The following NT5DC1 variants were observed in gnomAD, a reference collection of about 807,000 sequenced individuals.
NT5DC1 encodes the protein 5'-nucleotidase domain containing 1.
A neutral mutation model predicts 59.4 loss-of-function variants in NT5DC1; 42 were observed. The ratio of observed to expected loss-of-function variants is 0.71; its 90% CI spans 0.55 to 0.92. The LOEUF (loss-of-function observed/expected upper bound fraction) is 0.92, where lower values mean the gene tolerates loss of function less well. Ranked by LOEUF, NT5DC1 falls within the 40% of genes least tolerant of loss-of-function variation. NT5DC1 has a pLI of 0.00. For missense variants in NT5DC1, 501 were observed against 537.1 expected (o/e 0.93, Z 0.66); for synonymous variants, 172 against 188.1 (o/e 0.91, Z 0.70).
chr6:116,167,853 G>C (rs983787218), intron 6 of NT5DC1, among the ~76,000 whole-genome samples: 1 of 151,964 alleles, frequency 6.6e-6, no homozygotes, highest in Non-Finnish European at 1.5e-5. Flanking sequence ...TCTGTGTATT[G>C]GATGTTGATT....
rs756839641 is a variant in NT5DC1 at position 116,237,021 on chromosome 6, C to T, written c.858C>T (p.Ser286=). 5.0e-6 allele frequency: 8 copies of T among 1,613,322 alleles called. No individual in the cohort carries two copies. In the South Asian group the frequency reaches 8.8e-5, roughly 18 times the overall value. The change falls in exon 9 of 12, where the codon TCC becomes TCT. Residue 286 remains serine (S), a synonymous_variant. Coordinates refer to ENST00000319550, the MANE Select transcript of NT5DC1 (RefSeq NM_152729.3). ...LPSLDKPGWY[S]QGNAVHLYEL... ...CTCTGGATAAACCTGGCTGGTACTCCCAAGGGAACGCTGTCCACCTCTATG... is the reference window on the plus strand; with the variant it reads ...CTCTGGATAAACCTGGCTGGTACTCTCAAGGGAACGCTGTCCACCTCTATG...
intron 6 of NT5DC1, among the ~76,000 whole-genome samples, chr6:116,215,957 C>A (rs1348561349): frequency 1.3e-5 from 2 of 152,102 alleles, no homozygotes; most frequent in African/African-American, 4.8e-5. Flanking sequence ...CTTGTCTATA[C>A]TCATTTAAAC....
chr6:116,121,564 C>T, intron 6 of NT5DC1: 1 of 1,614,114 alleles, frequency 6.2e-7, no homozygotes, highest in South Asian at 1.1e-5. Context: ...TCTGTCCATT[C>T]ATACCAGGGA....
At chr6:116,236,912 A>G in intron 8 of NT5DC1, 54 bp from the exon 9 acceptor site, 2 of 1,129,086 alleles carry the variant, frequency 1.8e-6, no homozygotes, top group East Asian at 4.7e-5. Flanking sequence ...GGTCTGCCCA[A>G]CTGGCTACTC....
intron 10 of NT5DC1, among the ~76,000 whole-genome samples, chr6:116,238,692 T>A (rs1381082445): frequency 1.3e-5 from 2 of 152,188 alleles, no homozygotes; most frequent in East Asian, 1.9e-4. Flanking sequence ...GGGAAAAAAT[T>A]ATGTTTTCTA....
At chr6:116,238,908 G>T (rs776745937) in intron 10 of NT5DC1, 47 bp from the exon 11 acceptor site, 3 of 1,201,074 alleles carry the variant, frequency 2.5e-6, no homozygotes, top group South Asian at 1.3e-5. Context: ...TTATGAGATT[G>T]AACATTAGTT....
At chr6:116,129,260 AAC>A (rs1779405504) in intron 6 of NT5DC1, among the ~76,000 whole-genome samples, 1 of 152,198 alleles carries the variant, frequency 6.6e-6, no homozygotes, top group Non-Finnish European at 1.5e-5. Context: ...ATTATATAGA[AAC>A]ACATACATAC....
At chr6:116,203,069 T>C (rs962793207) in intron 6 of NT5DC1, among the ~76,000 whole-genome samples, 3 of 152,002 alleles carry the variant, frequency 2.0e-5, no homozygotes, top group African/African-American at 4.8e-5. Flanking sequence ...TAAACATTTT[T>C]ATGGTAGGAC....
At chr6:116,178,003 G>A (rs536463167) in intron 6 of NT5DC1, among the ~76,000 whole-genome samples, 85 of 150,172 alleles carry the variant, frequency 5.7e-4, no homozygotes, top group Non-Finnish European at 1.5e-4. Flanking sequence ...TTACTTTGTG[G>A]AATTGTTTTA....
At chr6:116,183,275 G>A (rs1434482694) in intron 6 of NT5DC1, among the ~76,000 whole-genome samples, 4 of 151,878 alleles carry the variant, frequency 2.6e-5, no homozygotes, top group Non-Finnish European at 5.9e-5. Context: ...TGGTGATTAT[G>A]GCCTTATAGT....
At chr6:116,216,821 AAATT>A (rs1781696122) in intron 6 of NT5DC1, among the ~76,000 whole-genome samples, 1 of 152,212 alleles carries the variant, frequency 6.6e-6, no homozygotes, top group African/African-American at 2.4e-5. Flanking sequence ...TCTTTTAAGA[AAATT>A]AATTATATCA....
intron 6 of NT5DC1, among the ~76,000 whole-genome samples, chr6:116,178,111 G>GTA (rs1491192099): frequency 4.8e-4 from 39 of 81,854 alleles, no homozygotes; most frequent in African/African-American, 2.2e-3. Context: ...GCGTGCGTGC[G>GTA]TGTGTGTGTG....
At chr6:116,105,414 G>T (rs1247909767) in intron 1 of NT5DC1, among the ~76,000 whole-genome samples, 1 of 152,188 alleles carries the variant, frequency 6.6e-6, no homozygotes, top group Non-Finnish European at 1.5e-5. Context: ...GGGTCAGATT[G>T]TTCAGTGTGT....
intron 8 of NT5DC1, among the ~76,000 whole-genome samples, chr6:116,236,472 T>TC (rs1782115590): frequency 6.6e-6 from 1 of 152,120 alleles, no homozygotes; most frequent in Admixed American, 6.5e-5. Context: ...GTCCTTTCAT[T>TC]CCCCACCCAC....
intron 8 of NT5DC1, among the ~76,000 whole-genome samples, chr6:116,227,618 T>C (rs576092620): frequency 1.3e-5 from 2 of 152,200 alleles, no homozygotes; most frequent in South Asian, 4.1e-4. Flanking sequence ...CCACATGCTC[T>C]TTAACACTTA....
chr6:116,129,622 C>T (rs372969477), intron 6 of NT5DC1, among the ~76,000 whole-genome samples: 14 of 152,268 alleles, frequency 9.2e-5, no homozygotes, highest in Non-Finnish European at 1.5e-4. Flanking sequence ...CTCCAGATAC[C>T]GGTGCCATCC....
intron 6 of NT5DC1, among the ~76,000 whole-genome samples, chr6:116,157,838 TC>T (rs1255990082): frequency 6.6e-6 from 1 of 152,200 alleles, no homozygotes; most frequent in Non-Finnish European, 1.5e-5. Flanking sequence ...CTATTCAGGA[TC>T]CTTCTGAAAG....
chr6:116,127,920 C>A (rs1261005466), intron 6 of NT5DC1, among the ~76,000 whole-genome samples: 1 of 152,120 alleles, frequency 6.6e-6, no homozygotes, highest in Non-Finnish European at 1.5e-5. Context: ...TCACTTTAAC[C>A]TCTCTGGGTG....
At position 116,107,286 on chromosome 6, in the gene NT5DC1, TAAAA is replaced by T. The variant is rs1475957988; in HGVS notation, c.185+952_185+955del. ...AGTCTTTTTTGATGTAACATTTTTG[TAAAA>T]GGAAGAAACAGTAACATGTTACTAT... On this transcript the variant is annotated intron_variant, in intron 2 of 11. Transcript: ENST00000319550. 4.0e-5 allele frequency among the ~76,000 whole-genome samples: 6 copies of T among 150,092 alleles called. No homozygotes were observed. The East Asian group carries it at 1.2e-3, about 29-fold the overall frequency.
Sources: gnomAD v4.1 joint callset for allele counts (sites outside exome capture counted in the v4.1 genomes callset) on GRCh38, gnomAD v4.1.1 for gene constraint, MANE v1.5 for transcripts, NCBI Gene and HGNC (gene_info 2026-07-23, HGNC 2026-07-21) for gene names.